DUSP19: variants seen among roughly 807,000 people sequenced by gnomAD.
The protein encoded by DUSP19 is dual specificity phosphatase 19.
A neutral mutation model predicts 16.6 loss-of-function variants in DUSP19; 14 were observed. The ratio of observed to expected loss-of-function variants is 0.84; its 90% CI spans 0.56 to 1.32. DUSP19 has a LOEUF of 1.32. Ranked by LOEUF, DUSP19 falls within the 40% of genes most tolerant of loss-of-function variation. The probability of loss-of-function intolerance (pLI) is 0.00; values close to 1 mark genes in which losing one functional copy is unlikely to be tolerated. For missense variants in DUSP19, 258 were observed against 255.9 expected, an observed-to-expected ratio of 1.01 and a Z score of -0.06; for synonymous variants, 81 against 90.5, an observed-to-expected ratio of 0.90 and a Z score of 0.59.
chr2:183,094,417 A>C (rs1189110222), intron 3 of DUSP19, among the ~76,000 whole-genome samples: 1 of 152,176 alleles, frequency 6.6e-6, no homozygotes, highest in African/African-American at 2.4e-5. Context: ...ATAAAGAATC[A>C]AGAAATGAAG....
At chr2:183,084,881 T>C (rs191674463) in intron 2 of DUSP19, among the ~76,000 whole-genome samples, 38 of 152,304 alleles carry the variant, frequency 2.5e-4, no homozygotes, top group Admixed American at 2.0e-3. Context: ...AGGGGTTTTT[T>C]AGAGGGTAGA....
In DUSP19 at chr2:183,099,968, A is replaced by G. The variant is rs1000360660; in HGVS notation, c.*4310A>G. On this transcript the variant is annotated 3_prime_UTR_variant, in exon 4 of 4. Coordinates refer to ENST00000354221, the MANE Select transcript of DUSP19 (RefSeq NM_080876.4). ...GCCGAGATAGCACCACTGCACTTCT[A>G]GTTGACAGAGTGAGACTCTGACTCA... 4 of 150,068 alleles carry G rather than the reference A, an allele frequency of 2.7e-5. No homozygotes were observed. Among genetic ancestry groups the G allele is most frequent in the African/African-American group, 9.8e-5 (4 of 40,654 alleles). The allele number at this position is 150,068 out of a possible 1,614,324, so 9.3% of individuals were successfully genotyped here. A position where few individuals can be genotyped will look rare whatever the true frequency, so the allele number is the denominator to read the frequency against.
At chr2:183,095,312 A>G (rs1395807921) in intron 3 of DUSP19, 119 bp from the exon 4 acceptor site, 2 of 827,738 alleles carry the variant, frequency 2.4e-6, no homozygotes, top group Non-Finnish European at 1.8e-6. Context: ...ATTGAATCAA[A>G]TAAATCAATA....
In DUSP19 at chr2:183,095,415, G is replaced by GTT. The variant is rs57818913; in HGVS notation, c.427-6_427-5dup. On this transcript the variant is annotated splice_polypyrimidine_tract_variant and intron_variant, in intron 3 of 3. Coordinates refer to ENST00000354221, the MANE Select transcript of DUSP19 (RefSeq NM_080876.4). ...AAATGAATAATGAAGATTTTTGTTT[G>GTT]TTTTTTTTTTTGTAGGATGGAGTGG... 3.7e-3 allele frequency: 4,679 copies of GTT among 1,256,616 alleles called. No homozygotes were observed. The highest frequency in any genetic ancestry group is 8.5e-3 in the South Asian group (588 of 68,912). The allele number at this position is 1,256,616 out of a possible 1,614,324, so 77.8% of individuals were successfully genotyped here.
rs970149098 is a variant in DUSP19 at position 183,096,655 on chromosome 2, C to T, written c.*997C>T. ...TTTGAACAGGTGATCTATTCTCTTA[C>T]ATTTTGTGCTTTTTATCTTGGGTGC... On this transcript the variant is annotated 3_prime_UTR_variant, in exon 4 of 4. Coordinates refer to ENST00000354221, the MANE Select transcript of DUSP19 (RefSeq NM_080876.4). 6.6e-6 allele frequency: 1 copy of T among 151,100 alleles called. No individual in the cohort carries two copies. Among genetic ancestry groups the T allele is most frequent in the Non-Finnish European group, 1.5e-5 (1 of 67,874 alleles). 9.4% of individuals were successfully genotyped at this position (151,100 alleles called of 1,614,324 possible). A position where few individuals can be genotyped will look rare whatever the true frequency, so the allele number is the denominator to read the frequency against.
At chr2:183,090,427 A>G (rs1699717708) in intron 3 of DUSP19, among the ~76,000 whole-genome samples, 1 of 152,224 alleles carries the variant, frequency 6.6e-6, no homozygotes. Flanking sequence ...CCTTTTAGGA[A>G]CTAAATTTAT....
chr2:183,099,852 C>T lies in DUSP19; in HGVS notation c.*4194C>T, dbSNP rs959454869. 6.6e-6 allele frequency: 1 copy of T among 151,820 alleles called. No homozygotes were observed. Among genetic ancestry groups the T allele is most frequent in the Non-Finnish European group, 1.5e-5 (1 of 67,992 alleles). 9.4% of individuals were successfully genotyped at this position (151,820 alleles called of 1,614,324 possible). The stretch of plus-strand genomic sequence containing the variant: ...CCATCACTAAAAATACAAAAATTAC[C>T]CGGGCATGGTGGTGGGTGCCTGTAA... On this transcript the variant is annotated 3_prime_UTR_variant, in exon 4 of 4. Coordinates refer to ENST00000354221, the MANE Select transcript of DUSP19 (RefSeq NM_080876.4).
Position 183,099,197 on chromosome 2 carries a change from G to A in DUSP19, c.*3539G>A, listed in dbSNP as rs1172776841. On this transcript the variant is annotated 3_prime_UTR_variant, in exon 4 of 4. Transcript: ENST00000354221. ...GTTTCTCCAAGTAGTCATAAATGTA[G>A]CAAGTATAAATCAGAATATCATCTT... The A allele has an allele frequency of 6.6e-6, 1 of 152,112 alleles. No individual in the cohort carries two copies. Among genetic ancestry groups the A allele is most frequent in the Non-Finnish European group, 1.5e-5 (1 of 68,014 alleles). 9.4% of individuals were successfully genotyped at this position (152,112 alleles called of 1,614,324 possible). A position where few individuals can be genotyped will look rare whatever the true frequency, so the allele number is the denominator to read the frequency against.
chr2:183,080,773 G>C (rs564931604), intron 1 of DUSP19, among the ~76,000 whole-genome samples: 1 of 152,298 alleles, frequency 6.6e-6, no homozygotes, highest in South Asian at 2.1e-4. Flanking sequence ...TCTGAAACTA[G>C]CCCTAATAAG....
rs773987802 is a variant in DUSP19 at position 183,083,557 on chromosome 2, A to T, written c.273+3A>T. 6.2e-7 allele frequency: 1 copy of T among 1,607,862 alleles called. No individual in the cohort carries two copies. Among genetic ancestry groups the T allele is most frequent in the South Asian group, 1.1e-5 (1 of 89,740 alleles). On this transcript the variant is annotated splice_donor_region_variant and intron_variant, in intron 2 of 3. Coordinates refer to ENST00000354221, the MANE Select transcript of DUSP19 (RefSeq NM_080876.4). The stretch of plus-strand genomic sequence containing the variant: ...TGGATACACTGAAAAAGAATAAGGT[A>T]AAAAAATGCTTTAAGTCTGGCACCA...
At chr2:183,092,000 G>A (rs1699737888) in intron 3 of DUSP19, among the ~76,000 whole-genome samples, 1 of 152,082 alleles carries the variant, frequency 6.6e-6, no homozygotes, top group Admixed American at 6.5e-5. Context: ...TCTGACCTGT[G>A]CTCCTCAAAG....
chr2:183,093,047 G>A (rs1559130563), intron 3 of DUSP19, among the ~76,000 whole-genome samples: 1 of 152,078 alleles, frequency 6.6e-6, no homozygotes, highest in Non-Finnish European at 1.5e-5. Context: ...AAACACCTGG[G>A]CCTGGCTCAG....
chr2:183,083,808 T>C (rs955369197), intron 2 of DUSP19, among the ~76,000 whole-genome samples: 6 of 152,178 alleles, frequency 3.9e-5, no homozygotes, highest in African/African-American at 1.4e-4. Context: ...GGCATGTCTT[T>C]CTTGCCTGTG....
chr2:183,085,573 A>C (rs1386199317), intron 2 of DUSP19, among the ~76,000 whole-genome samples: 1 of 150,678 alleles, frequency 6.6e-6, no homozygotes, highest in Admixed American at 6.6e-5. Flanking sequence ...GAAGTGAGGA[A>C]GTGATGGCAA....
chr2:183,087,537 T>C (rs72890353), intron 3 of DUSP19, among the ~76,000 whole-genome samples: 4,609 of 152,314 alleles, frequency 0.03, 96 homozygotes, highest in Non-Finnish European at 0.044. Flanking sequence ...TAAATGTGTA[T>C]TGCTTTACTT....
intron 1 of DUSP19, among the ~76,000 whole-genome samples, chr2:183,082,727 A>G (rs1699608256): frequency 6.6e-6 from 1 of 151,866 alleles, no homozygotes; most frequent in South Asian, 2.1e-4. Flanking sequence ...CCTGGCCAAG[A>G]ACATGTTTCC....
At chr2:183,093,927 T>C (rs907498992) in intron 3 of DUSP19, among the ~76,000 whole-genome samples, 2 of 152,188 alleles carry the variant, frequency 1.3e-5, no homozygotes, top group East Asian at 1.9e-4. Flanking sequence ...TTTTCATCAG[T>C]TACTTTAATA....
chr2:183,089,096 T>A (rs1401397058), intron 3 of DUSP19, among the ~76,000 whole-genome samples: 1 of 152,134 alleles, frequency 6.6e-6, no homozygotes, highest in Non-Finnish European at 1.5e-5. Context: ...TTAGCTTGGG[T>A]TTCCTAAAAA....
In DUSP19 at chr2:183,079,129, G is replaced by A; in HGVS notation, c.196G>A (p.Val66Ile). The A allele has an allele frequency of 6.2e-7, 1 of 1,613,976 alleles. No homozygotes were observed. The highest frequency in any genetic ancestry group is 8.5e-7 in the Non-Finnish European group (1 of 1,179,932). ...YVQDLSSDLQ[V>I]GVIKPWLLLG... Reference sequence around the variant, plus strand: ...GCAGGACCTTAGCTCGGACCTGCAAGTTGGCGTTATTAAGCCATGGTTGCT... The same window carrying A: ...GCAGGACCTTAGCTCGGACCTGCAAATTGGCGTTATTAAGCCATGGTTGCT... The change falls in exon 1 of 4, where the codon GTT becomes ATT. Residue 66 changes from valine (V) to isoleucine (I), a missense_variant. Physicochemically the swap from Val to Ile is conservative, Grantham distance 29. Coordinates refer to ENST00000354221, the MANE Select transcript of DUSP19 (RefSeq NM_080876.4).
Sources: allele counts gnomAD v4.1 joint callset (sites outside exome capture counted in the v4.1 genomes callset), GRCh38; gene constraint gnomAD v4.1.1; transcripts MANE v1.5; gene names NCBI Gene and HGNC (gene_info 2026-07-23, HGNC 2026-07-21).